PLPPR1: variants seen among roughly 807,000 people sequenced by gnomAD.
PLPPR1 encodes phospholipid phosphatase-related protein type 1.
A neutral mutation model predicts 33.1 loss-of-function variants in PLPPR1; 10 were observed. That is an observed-to-expected ratio of 0.30 (90% CI 0.19 to 0.51). The LOEUF is 0.51. Ranked by LOEUF, PLPPR1 falls within the 20% of genes least tolerant of loss-of-function variation. The pLI, the probability that PLPPR1 is intolerant of heterozygous loss-of-function variation, is 0.97. For missense variants in PLPPR1, 304 were observed against 408.1 expected, an observed-to-expected ratio of 0.74 and a Z score of 2.20; for synonymous variants, 151 against 151.0, an observed-to-expected ratio of 1.00 and a Z score of 0.00.
chr9:101,047,039 C>A (rs2118434279), intron 1 of PLPPR1, among the ~76,000 whole-genome samples: 2 of 152,204 alleles, frequency 1.3e-5, no homozygotes, highest in Admixed American at 1.3e-4. Context: ...GCATTAGATT[C>A]TCATAATGAA....
At chr9:101,132,649 T>C (rs1831326567) in intron 1 of PLPPR1, among the ~76,000 whole-genome samples, 1 of 152,110 alleles carries the variant, frequency 6.6e-6, no homozygotes, top group African/African-American at 2.4e-5. Flanking sequence ...CCTAATGTAA[T>C]CTATGGACTC....
intron 4 of PLPPR1, among the ~76,000 whole-genome samples, chr9:101,305,925 G>A (rs887678813): frequency 3.3e-5 from 5 of 152,086 alleles, no homozygotes; most frequent in African/African-American, 1.2e-4. Flanking sequence ...TGGGGTCCAG[G>A]TAAAACCCTG....
chr9:101,148,283 A>C (rs958751505), intron 1 of PLPPR1, among the ~76,000 whole-genome samples: 1 of 152,116 alleles, frequency 6.6e-6, no homozygotes, highest in Non-Finnish European at 1.5e-5. Context: ...CTTAAGTGCC[A>C]CTGGTTATCT....
At chr9:101,072,993 C>A (rs1278564447) in intron 1 of PLPPR1, among the ~76,000 whole-genome samples, 1 of 152,066 alleles carries the variant, frequency 6.6e-6, no homozygotes, top group East Asian at 1.9e-4. Flanking sequence ...CTGGTTTAAC[C>A]AAGTAGGGTG....
At chr9:101,244,823 C>A (rs1011347074) in intron 2 of PLPPR1, among the ~76,000 whole-genome samples, 6 of 151,680 alleles carry the variant, frequency 4.0e-5, no homozygotes, top group Non-Finnish European at 7.4e-5. Context: ...TAATATGTAT[C>A]TGATAGAAGA....
intron 1 of PLPPR1, among the ~76,000 whole-genome samples, chr9:101,069,413 G>A (rs779988569): frequency 8.5e-5 from 13 of 152,088 alleles, no homozygotes; most frequent in Non-Finnish European, 1.9e-4. Flanking sequence ...TTGCAGGTCT[G>A]TGTCTACAAT....
intron 1 of PLPPR1, among the ~76,000 whole-genome samples, chr9:101,144,115 A>G (rs1202074634): frequency 6.6e-6 from 1 of 152,192 alleles, no homozygotes; most frequent in Admixed American, 6.5e-5. Context: ...CGTCCTTTGT[A>G]GGGACATGGA....
chr9:101,264,833 C>T (rs1349784156), intron 2 of PLPPR1, among the ~76,000 whole-genome samples: 13 of 152,086 alleles, frequency 8.5e-5, no homozygotes, highest in Admixed American at 7.9e-4. Flanking sequence ...CCCCAGGAAG[C>T]CCCTCAGCCC....
At chr9:101,102,146 TTTTA>T (rs1307361940) in intron 1 of PLPPR1, among the ~76,000 whole-genome samples, 1 of 112,574 alleles carries the variant, frequency 8.9e-6, no homozygotes, top group African/African-American at 4.4e-5. Flanking sequence ...TTCTTTTTTT[TTTTA>T]TTTTATTATT....
At chr9:101,316,345 G>A (rs537345796) in intron 6 of PLPPR1, among the ~76,000 whole-genome samples, 7 of 151,984 alleles carry the variant, frequency 4.6e-5, no homozygotes, top group South Asian at 2.1e-4. Context: ...GCTGAGGCAG[G>A]AGAATGGCAT....
At chr9:101,229,448 G>A (rs1411980435) in intron 2 of PLPPR1, among the ~76,000 whole-genome samples, 1 of 151,686 alleles carries the variant, frequency 6.6e-6, no homozygotes, top group Admixed American at 6.6e-5. Flanking sequence ...CATATAAAAT[G>A]CAAAAAAGAA....
In PLPPR1 at chr9:101,060,601, TA is replaced by T. The variant is rs1830334815; in HGVS notation, c.-46+31503del. Among the ~76,000 whole-genome samples the T allele has an allele frequency of 2.6e-5, 4 of 152,016 alleles. No homozygotes were observed. The East Asian group carries it at 7.7e-4, about 29-fold the overall frequency. ...ATATGTATAACTTTTACTTGTCAAT[TA>T]AAATAGAGGCTGAGTATTAAAAATA... On this transcript the variant is annotated intron_variant, in intron 1 of 7. Coordinates refer to ENST00000374874, the MANE Select transcript of PLPPR1 (RefSeq NM_207299.2).
intron 1 of PLPPR1, among the ~76,000 whole-genome samples, chr9:101,155,209 A>G (rs1831662876): frequency 6.6e-6 from 1 of 152,124 alleles, no homozygotes; most frequent in Non-Finnish European, 1.5e-5. Context: ...CAATTTAAAT[A>G]TTTATTGATG....
intron 2 of PLPPR1, among the ~76,000 whole-genome samples, chr9:101,197,261 AG>A (rs1390482528): frequency 1.3e-5 from 2 of 152,178 alleles, no homozygotes; most frequent in Non-Finnish European, 2.9e-5. Flanking sequence ...CGTTACTCAC[AG>A]GAAGTATGCT....
intron 2 of PLPPR1, among the ~76,000 whole-genome samples, chr9:101,239,479 C>A (rs1827406515): frequency 6.6e-6 from 1 of 151,900 alleles, no homozygotes; most frequent in Admixed American, 6.6e-5. Context: ...ATCCAGGTAA[C>A]AAACCTATAC....
At chr9:101,044,042 A>C (rs1248875700) in intron 1 of PLPPR1, among the ~76,000 whole-genome samples, 2 of 152,238 alleles carry the variant, frequency 1.3e-5, no homozygotes, top group East Asian at 3.8e-4. Context: ...GAGCTTTTGC[A>C]TGGCAAAAGG....
intron 1 of PLPPR1, among the ~76,000 whole-genome samples, chr9:101,154,247 C>T (rs1431317793): frequency 6.6e-6 from 1 of 152,132 alleles, no homozygotes; most frequent in Non-Finnish European, 1.5e-5. Context: ...GGAGGATTCC[C>T]TCTTTTTCTA....
At chr9:101,268,934 C>T (rs1225014937) in intron 2 of PLPPR1, among the ~76,000 whole-genome samples, 1 of 152,186 alleles carries the variant, frequency 6.6e-6, no homozygotes, top group African/African-American at 2.4e-5. Context: ...CCACTTTCCT[C>T]ATCTATGAAA....
At chr9:101,074,236 G>A (rs905475494) in intron 1 of PLPPR1, among the ~76,000 whole-genome samples, 1 of 152,080 alleles carries the variant, frequency 6.6e-6, no homozygotes, top group Non-Finnish European at 1.5e-5. Flanking sequence ...TTTCAGTTTA[G>A]GTGATTAGCT....
Sources: allele counts gnomAD v4.1 joint callset (sites outside exome capture counted in the v4.1 genomes callset), GRCh38; gene constraint gnomAD v4.1.1; transcripts MANE v1.5; gene names NCBI Gene and HGNC (gene_info 2026-07-23, HGNC 2026-07-21).